The following TMPRSS11E variants were observed in gnomAD, a reference collection of about 807,000 sequenced individuals.
TMPRSS11E encodes the protein transmembrane serine protease 11E.
In TMPRSS11E, 38 loss-of-function variants were observed where a neutral mutation model predicts 48.1. The ratio of observed to expected loss-of-function variants is 0.79; its 90% CI spans 0.61 to 1.04. TMPRSS11E has a LOEUF of 1.04. TMPRSS11E is among the 50% of genes least tolerant of loss of function. TMPRSS11E has a pLI of 0.00. For missense variants in TMPRSS11E, 530 were observed against 510.8 expected (o/e 1.04, Z -0.36); for synonymous variants, 158 against 171.9 (o/e 0.92, Z 0.63).
At chr4:68,448,413 C>T (rs563211937) in intron 1 of TMPRSS11E, among the ~76,000 whole-genome samples, 2 of 152,036 alleles carry the variant, frequency 1.3e-5, no homozygotes, top group East Asian at 3.9e-4. Context: ...GGATACTAAA[C>T]ATTTTGTTGG....
chr4:68,480,429 G>A (rs1197749889), intron 9 of TMPRSS11E, among the ~76,000 whole-genome samples: 1 of 151,934 alleles, frequency 6.6e-6, no homozygotes, highest in Non-Finnish European at 1.5e-5. Context: ...CGTCCAGTGA[G>A]TTTTGAATTT....
At chr4:68,487,844 G>A (rs1016151446) in intron 9 of TMPRSS11E, among the ~76,000 whole-genome samples, 10 of 151,268 alleles carry the variant, frequency 6.6e-5, no homozygotes, top group African/African-American at 2.2e-4. Flanking sequence ...GGGAGGCTGA[G>A]GCAGGAGAAT....
At chr4:68,465,469 T>C (rs1728902884) in intron 2 of TMPRSS11E, among the ~76,000 whole-genome samples, 1 of 152,200 alleles carries the variant, frequency 6.6e-6, no homozygotes, top group African/African-American at 2.4e-5. Context: ...AGAAGCAGCA[T>C]GTGAAGTAAG....
At chr4:68,471,108 G>C (rs1382301260) in intron 4 of TMPRSS11E, among the ~76,000 whole-genome samples, 2 of 151,860 alleles carry the variant, frequency 1.3e-5, no homozygotes, top group Non-Finnish European at 2.9e-5. Flanking sequence ...TGAATTTGTG[G>C]TTCTTCACAT....
At chr4:68,489,971 T>C (rs923910266) in intron 9 of TMPRSS11E, among the ~76,000 whole-genome samples, 2 of 152,180 alleles carry the variant, frequency 1.3e-5, no homozygotes, top group African/African-American at 4.8e-5. Context: ...TAGAATTCTG[T>C]CTCTTTCAAC....
chr4:68,450,536 A>G (rs1307247643), intron 1 of TMPRSS11E, among the ~76,000 whole-genome samples: 1 of 151,968 alleles, frequency 6.6e-6, no homozygotes, highest in Non-Finnish European at 1.5e-5. Context: ...AATAGATGGC[A>G]ACAGAGAAAT....
chr4:68,458,776 T>C (rs954667133), intron 1 of TMPRSS11E, among the ~76,000 whole-genome samples: 1 of 152,126 alleles, frequency 6.6e-6, no homozygotes, highest in Non-Finnish European at 1.5e-5. Context: ...TGAAAAACAA[T>C]GCTATACAGA....
At chr4:68,471,369 ACTTCCTCCTTCCCTCCCTCCCTCCCTCC>A in intron 4 of TMPRSS11E, 63 bp from the exon 5 acceptor site, 4 of 601,096 alleles carry the variant, frequency 6.7e-6, no homozygotes, top group Non-Finnish European at 7.2e-6. Flanking sequence ...TCCTTTCTTC[ACTTCCTCCTTCCCTCCCTCCCTCCCTCC>A]CTTCCTGCCT....
chr4:68,492,355 T>G (rs182676534), intron 9 of TMPRSS11E, among the ~76,000 whole-genome samples: 1 of 152,350 alleles, frequency 6.6e-6, no homozygotes, highest in African/African-American at 2.4e-5. Context: ...GCAAAATATC[T>G]TATTACTCAA....
At chr4:68,452,772 A>G (rs1487695464) in intron 1 of TMPRSS11E, among the ~76,000 whole-genome samples, 1 of 151,972 alleles carries the variant, frequency 6.6e-6, no homozygotes, top group Non-Finnish European at 1.5e-5. Context: ...ATTTCAAACC[A>G]ATCTTTTAAT....
intron 9 of TMPRSS11E, among the ~76,000 whole-genome samples, chr4:68,489,180 T>C (rs1281481064): frequency 6.6e-6 from 1 of 152,212 alleles, no homozygotes; most frequent in African/African-American, 2.4e-5. Flanking sequence ...GTGGTATTAG[T>C]TGTGCTTAGT....
At chr4:68,467,457 A>C (rs528894240) in intron 3 of TMPRSS11E, among the ~76,000 whole-genome samples, 1 of 152,290 alleles carries the variant, frequency 6.6e-6, no homozygotes, top group African/African-American at 2.4e-5. Flanking sequence ...GAAACCTGTG[A>C]GGTAATTCAT....
chr4:68,483,611 T>C (rs1332867623), intron 9 of TMPRSS11E, among the ~76,000 whole-genome samples: 1 of 152,348 alleles, frequency 6.6e-6, no homozygotes, highest in East Asian at 1.9e-4. Context: ...TAGTTTATTT[T>C]CCTGTGCAGA....
rs543362597 is a variant in TMPRSS11E, at chr4:68,461,150, G to A, written c.12-671G>A. 4.6e-5 allele frequency among the ~76,000 whole-genome samples: 7 copies of A among 152,238 alleles called. No homozygotes were observed. In the South Asian group the frequency reaches 1.5e-3, roughly 32 times the overall value. On this transcript the variant is annotated intron_variant, in intron 1 of 9. Coordinates refer to ENST00000305363, the MANE Select transcript of TMPRSS11E (RefSeq NM_014058.4). ...CCCGCCTCGGCCTCCCAAAGTGCTGGGATTATAGGCGTGAGCCACCGTGCC... is the reference window on the plus strand; with the variant it reads ...CCCGCCTCGGCCTCCCAAAGTGCTGAGATTATAGGCGTGAGCCACCGTGCC...
intron 1 of TMPRSS11E, among the ~76,000 whole-genome samples, chr4:68,460,330 C>T (rs1728754515): frequency 6.6e-6 from 1 of 152,122 alleles, no homozygotes; most frequent in Non-Finnish European, 1.5e-5. Context: ...ACAGAGCGTT[C>T]TTGTTTTCTG....
At chr4:68,469,089 A>C in intron 4 of TMPRSS11E, 143 bp downstream of exon 4, 1 of 738,180 alleles carries the variant, frequency 1.4e-6, no homozygotes, top group Non-Finnish European at 2.3e-6. Flanking sequence ...ATGGGTTACA[A>C]AGTCCCTTAT....
At chr4:68,461,530 T>C (rs1048520039) in intron 1 of TMPRSS11E, among the ~76,000 whole-genome samples, 2 of 152,218 alleles carry the variant, frequency 1.3e-5, no homozygotes, top group East Asian at 3.8e-4. Flanking sequence ...AGGCACTTTA[T>C]ATGTAGTACT....
intron 9 of TMPRSS11E, among the ~76,000 whole-genome samples, chr4:68,483,812 T>C (rs538630479): frequency 6.6e-6 from 1 of 152,306 alleles, no homozygotes; most frequent in African/African-American, 2.4e-5. Flanking sequence ...TTTTTGTATA[T>C]GGTGAAAGAA....
rs181151483 is a variant in TMPRSS11E at position 68,458,712 on chromosome 4, A to G, written c.12-3109A>G. ...TTACTGAGAAAATAAAAAAGTAACTAAGAAATAGGATCAATTATATCTCAA... is the reference window on the plus strand; with the variant it reads ...TTACTGAGAAAATAAAAAAGTAACTGAGAAATAGGATCAATTATATCTCAA... On this transcript the variant is annotated intron_variant, in intron 1 of 9. Coordinates refer to ENST00000305363, the MANE Select transcript of TMPRSS11E (RefSeq NM_014058.4). Among the ~76,000 whole-genome samples, 188 of 152,346 alleles carry G rather than the reference A, an allele frequency of 1.2e-3. 2 individuals are homozygous for G. Among genetic ancestry groups the G allele is most frequent in the African/African-American group, 4.4e-3 (183 of 41,586 alleles).
Sources: gnomAD v4.1 joint callset for allele counts (sites outside exome capture counted in the v4.1 genomes callset) on GRCh38, gnomAD v4.1.1 for gene constraint, MANE v1.5 for transcripts, NCBI Gene and HGNC (gene_info 2026-07-23, HGNC 2026-07-21) for gene names.